PXDN: variants seen among roughly 807,000 people sequenced by gnomAD.
PXDN encodes the protein peroxidasin, also known as peroxidasin homolog.
PXDN carries 77 observed loss-of-function variants against 140.3 expected under a neutral mutation model. That is an observed-to-expected ratio of 0.55 (90% CI 0.46 to 0.66). PXDN has a LOEUF of 0.66. Ranked by LOEUF, PXDN falls within the 30% of genes least tolerant of loss-of-function variation. The pLI is 0.00. For synonymous variants in PXDN, 911 were observed against 857.4 expected, an observed-to-expected ratio of 1.06 and a Z score of -1.09; for missense variants, 1,838 against 2,039.5, an observed-to-expected ratio of 0.90 and a Z score of 1.90.
chr2:1,663,232 G>C (rs1683347519), intron 12 of PXDN, among the ~76,000 whole-genome samples: 1 of 152,150 alleles, frequency 6.6e-6, no homozygotes, highest in Non-Finnish European at 1.5e-5. Flanking sequence ...CTTGGGAGCT[G>C]ACTTGATTAG....
intron 1 of PXDN, among the ~76,000 whole-genome samples, chr2:1,694,691 C>T (rs777291676): frequency 6.6e-6 from 1 of 152,204 alleles, no homozygotes; most frequent in Non-Finnish European, 1.5e-5. Context: ...CAGAATATCA[C>T]TAGTGGCTCC....
rs756956543 is a variant in PXDN at position 1,632,591 on chromosome 2, C to G, written c.*1613G>C. ...ACCTTCCTCACAGCTGAAATGCTGC[C>G]TCCGCCGCAGCAACTTGGCCGGCCC... On this transcript the variant is annotated 3_prime_UTR_variant, in exon 23 of 23. Coordinates refer to ENST00000252804, the MANE Select transcript of PXDN (RefSeq NM_012293.3). This position sits in a 1 kb window ranked among gnomAD's most constrained non-coding sequence, Gnocchi z 4.3. 6.6e-6 allele frequency: 1 copy of G among 152,236 alleles called. No homozygotes were observed. Among genetic ancestry groups the G allele is most frequent in the Admixed American group, 6.5e-5 (1 of 15,286 alleles). The allele number at this position is 152,236 out of a possible 1,614,324, so 9.4% of individuals were successfully genotyped here.
chr2:1,684,195 T>A, intron 4 of PXDN, 44 bp from the exon 5 acceptor site: 2 of 1,515,446 alleles, frequency 1.3e-6, no homozygotes, highest in Non-Finnish European at 1.8e-6. Flanking sequence ...ACAATTTATT[T>A]TCTTAGATCC....
intron 16 of PXDN, 29 bp downstream of exon 16, chr2:1,653,599 G>A (rs1263282848): frequency 5.0e-6 from 8 of 1,609,744 alleles, no homozygotes; most frequent in Non-Finnish European, 6.8e-6. Context: ...TCAGGCCATG[G>A]AGGAGGAAGA....
chr2:1,669,044 C>T (rs760210496), intron 9 of PXDN, among the ~76,000 whole-genome samples: 7 of 152,170 alleles, frequency 4.6e-5, no homozygotes, highest in Non-Finnish European at 1.0e-4. Context: ...AGACTTGGAA[C>T]CAACCCAAAT....
chr2:1,723,444 G>A (rs751513173), intron 1 of PXDN, among the ~76,000 whole-genome samples: 5 of 151,374 alleles, frequency 3.3e-5, no homozygotes, highest in Non-Finnish European at 7.4e-5. Flanking sequence ...ATGGATGAGT[G>A]GTTATGGATG....
chr2:1,661,545 G>A (rs2891047), intron 13 of PXDN, among the ~76,000 whole-genome samples: 1 of 85,356 alleles, frequency 1.2e-5, no homozygotes, highest in African/African-American at 3.8e-5. Context: ...AGGGATGCAG[G>A]TGGAGGATGG....
Position 1,653,696 on chromosome 2 carries a change from A to G in PXDN, c.2036T>C (p.Phe679Ser). The change falls in exon 16 of 23, where the codon TTT becomes TCT. Residue 679 changes from phenylalanine (F) to serine (S), a missense_variant. Physicochemically the swap from Phe to Ser is radical, Grantham distance 155. Around this residue, in one of 5 missense-constraint regions of PXDN, gnomAD observed 537 missense variants for 583.9 expected, o/e 0.92. Coordinates refer to ENST00000252804, the MANE Select transcript of PXDN (RefSeq NM_012293.3). ...TVEQARAGEI[F>S]ERTLQLIQEH... is the part of the protein sequence containing the mutation. ...CTGAATGAGCTGCAATGTCCGTTCAAAGATTTCTCCCGCCCGTGCCTGTTC... is the reference window on the plus strand; with the variant it reads ...CTGAATGAGCTGCAATGTCCGTTCAGAGATTTCTCCCGCCCGTGCCTGTTC... 1 of 1,610,366 alleles carries G rather than the reference A, an allele frequency of 6.2e-7. No homozygotes were observed. Among genetic ancestry groups the G allele is most frequent in the Non-Finnish European group, 8.5e-7 (1 of 1,178,444 alleles).
intron 17 of PXDN, among the ~76,000 whole-genome samples, chr2:1,645,404 G>A (rs1050004839): frequency 3.9e-5 from 6 of 152,158 alleles, no homozygotes; most frequent in Non-Finnish European, 1.5e-5. Context: ...CTACGCAGCA[G>A]ATGATGCCTG....
chr2:1,737,310 A>T (rs184609785), intron 1 of PXDN, among the ~76,000 whole-genome samples: 2 of 152,274 alleles, frequency 1.3e-5, no homozygotes, highest in Admixed American at 1.3e-4. Context: ...AACATCCTCC[A>T]GAATAAAGAA....
At chr2:1,743,670 GGAGGAGGAGGAA>G (rs1685605115) in intron 1 of PXDN, among the ~76,000 whole-genome samples, 1 of 111,656 alleles carries the variant, frequency 9.0e-6, no homozygotes, top group Non-Finnish European at 1.9e-5. Flanking sequence ...GGGGAAGGGA[GGAGGAGGAGGAA>G]GGGGAGGAGG....
At chr2:1,646,435 C>A (rs993899137) in intron 17 of PXDN, among the ~76,000 whole-genome samples, 1 of 152,006 alleles carries the variant, frequency 6.6e-6, no homozygotes, top group Admixed American at 6.5e-5. Flanking sequence ...GATATTTAAG[C>A]ACATAAAAAA....
At chr2:1,739,638 G>A (rs1194380475) in intron 1 of PXDN, among the ~76,000 whole-genome samples, 1 of 152,114 alleles carries the variant, frequency 6.6e-6, no homozygotes, top group Non-Finnish European at 1.5e-5. Context: ...CTCCCTGGAT[G>A]GCAAACTGGA....
intron 21 of PXDN, chr2:1,635,743 AT>A (rs1682538171): frequency 1.8e-6 from 1 of 540,618 alleles, no homozygotes; most frequent in Non-Finnish European, 3.3e-6. Flanking sequence ...GTGCTGTCAA[AT>A]AAAAACCGTA....
chr2:1,701,416 T>C (rs147569328), intron 1 of PXDN, among the ~76,000 whole-genome samples: 2 of 152,142 alleles, frequency 1.3e-5, no homozygotes, highest in Non-Finnish European at 2.9e-5. Context: ...CACAGTGACA[T>C]GAAGGGCACG....
rs1684045782 is a variant in PXDN, at chr2:1,685,927, G to A, written c.416+1705C>T. Among the ~76,000 whole-genome samples, 2 of 152,170 alleles carry A rather than the reference G, an allele frequency of 1.3e-5. No homozygotes were observed. Among genetic ancestry groups the A allele is most frequent in the African/African-American group, 4.8e-5 (2 of 41,442 alleles). On this transcript the variant is annotated intron_variant, in intron 4 of 22. Coordinates refer to ENST00000252804, the MANE Select transcript of PXDN (RefSeq NM_012293.3). This position sits in a 1 kb window ranked among gnomAD's most constrained non-coding sequence, Gnocchi z 5.1. The stretch of plus-strand genomic sequence containing the variant: ...GCATGTTTCCTGACTGGCCAGGTGT[G>A]TTTTCTGACCTGTGTCCACAGCTTC...
At position 1,744,408 on chromosome 2, in the gene PXDN, G is replaced by A. The variant is rs1003571796; in HGVS notation, c.48C>T (p.Leu16=). Residue 16 remains leucine, a synonymous_variant, in exon 1 of 23, where the codon CTC becomes CTT. Coordinates refer to ENST00000252804, the MANE Select transcript of PXDN (RefSeq NM_012293.3). ...GCGTCCCCCAGGCGCAGAACAGCAC[G>A]AGCGCCAACAGGCAGCGGCGCCCGG... ...RGPGRRCLLA[L]VLFCAWGTLA... 5.9e-6 allele frequency: 9 copies of A among 1,512,690 alleles called. No individual in the cohort carries two copies. Among genetic ancestry groups the A allele is most frequent in the African/African-American group, 4.3e-5 (3 of 69,606 alleles). 93.7% of individuals were successfully genotyped at this position (1,512,690 alleles called of 1,614,324 possible).
intron 1 of PXDN, among the ~76,000 whole-genome samples, chr2:1,698,661 G>T (rs1684351310): frequency 6.6e-6 from 1 of 152,110 alleles, no homozygotes; most frequent in Non-Finnish European, 1.5e-5. Context: ...CATTAAAATT[G>T]CTCTCATTGA....
Position 1,653,648 on chromosome 2 carries a change from A to G in PXDN, c.2084T>C (p.Met695Thr). 1 of 1,612,966 alleles carries G rather than the reference A, an allele frequency of 6.2e-7. No homozygotes were observed. Among genetic ancestry groups the G allele is most frequent in the Non-Finnish European group, 8.5e-7 (1 of 1,179,624 alleles). The change falls in exon 16 of 23, where the codon ATG (methionine) becomes ACG (threonine). Residue 695 changes from methionine to threonine, a missense_variant. By Grantham distance (81) the Met-to-Thr change is moderately conservative. Around this residue, in one of 5 missense-constraint regions of PXDN, gnomAD observed 537 missense variants for 583.9 expected, o/e 0.92. Transcript: ENST00000252804. ...LIQEHVQHGL[M>T]VDLNGTSYHY... is the part of the protein sequence containing the mutation. ...CTGACTTGTTCCGTTGAGGTCGACC[A>G]TCAAGCCATGCTGTACATGCTCCTG...
Sources: gnomAD v4.1 joint callset for allele counts (sites outside exome capture counted in the v4.1 genomes callset) on GRCh38, gnomAD v4.1.1 for gene constraint, gnomAD v4.1.1 regional missense constraint, Gnocchi (gnomAD v3.1) non-coding constraint, MANE v1.5 for transcripts, NCBI Gene and HGNC (gene_info 2026-07-23, HGNC 2026-07-21) for gene names.